The following WDR64 variants were observed in gnomAD, a reference collection of about 807,000 sequenced individuals.
WDR64 encodes the protein WD repeat domain 64.
WDR64 carries 112 observed loss-of-function variants against 139.3 expected under a neutral mutation model. The ratio of observed to expected loss-of-function variants is 0.80; its 90% CI spans 0.69 to 0.94. WDR64 has a LOEUF of 0.94. Ranked by LOEUF, WDR64 falls within the 40% of genes least tolerant of loss-of-function variation. The pLI, the probability that WDR64 is intolerant of heterozygous loss-of-function variation, is 0.00. For missense variants in WDR64, 1,206 were observed against 1,293.1 expected (o/e 0.93, Z 1.03); for synonymous variants, 444 against 437.7 (o/e 1.01, Z -0.18).
chr1:241,787,020 A>G (rs1659060045), intron 23 of WDR64, among the ~76,000 whole-genome samples: 2 of 152,102 alleles, frequency 1.3e-5, no homozygotes, highest in South Asian at 4.2e-4. Context: ...TCAAACTAAT[A>G]TTTCCCAAAA....
At chr1:241,655,330 A>T (rs1665542764) in intron 1 of WDR64, among the ~76,000 whole-genome samples, 1 of 152,164 alleles carries the variant, frequency 6.6e-6, no homozygotes, top group African/African-American at 2.4e-5. Context: ...CAGAGGTTGC[A>T]GTGAGCCAAG....
In WDR64 at chr1:241,749,638, A is replaced by C; in HGVS notation, c.1686A>C (p.Arg562=). 1 of 1,614,094 alleles carries C rather than the reference A, an allele frequency of 6.2e-7. No individual in the cohort carries two copies. Among genetic ancestry groups the C allele is most frequent in the Non-Finnish European group, 8.5e-7 (1 of 1,180,000 alleles). ...GGAAGGAGGACGAGCACTGCCTACG[A>C]CGCCTCATTTTCCTCAAAGCCCAAG... ...KDWKEDEHCL[R]RLIFLKAQEK... Residue 562 remains arginine, a synonymous_variant, in exon 14 of 28, where the codon CGA becomes CGC. Transcript: ENST00000437684.
At chr1:241,655,165 A>T (rs1179080114) in intron 1 of WDR64, among the ~76,000 whole-genome samples, 1 of 152,182 alleles carries the variant, frequency 6.6e-6, no homozygotes, top group Non-Finnish European at 1.5e-5. Flanking sequence ...TGGGCGGATC[A>T]CGAAGTCAGG....
intron 23 of WDR64, among the ~76,000 whole-genome samples, chr1:241,785,982 A>G (rs1033306999): frequency 2.0e-5 from 3 of 152,228 alleles, no homozygotes; most frequent in Admixed American, 1.3e-4. Flanking sequence ...AGGAGACTAC[A>G]GTCTCTTCAG....
chr1:241,749,904 C>G (rs1352002898), intron 14 of WDR64, among the ~76,000 whole-genome samples, 182 bp downstream of exon 14: 2 of 152,166 alleles, frequency 1.3e-5, no homozygotes, highest in Non-Finnish European at 2.9e-5. Flanking sequence ...GAGCAAAAAA[C>G]AATCGCTGCC....
intron 6 of WDR64, 36 bp downstream of exon 6, chr1:241,679,631 T>C (rs1012686516): frequency 2.0e-6 from 3 of 1,525,214 alleles, no homozygotes; most frequent in African/African-American, 1.4e-5. Context: ...AGAAATGAGA[T>C]TGTCTTTTCA....
At chr1:241,789,070 C>A (rs2148326581) in intron 24 of WDR64, among the ~76,000 whole-genome samples, 1 of 152,146 alleles carries the variant, frequency 6.6e-6, no homozygotes, top group Non-Finnish European at 1.5e-5. Context: ...TAGCTCAGTG[C>A]TCACCACACA....
At chr1:241,744,162 G>C (rs922853261) in intron 12 of WDR64, among the ~76,000 whole-genome samples, 1 of 152,212 alleles carries the variant, frequency 6.6e-6, no homozygotes, top group African/African-American at 2.4e-5. Context: ...GCCTGGAATA[G>C]AGTCCCTGCC....
intron 21 of WDR64, among the ~76,000 whole-genome samples, chr1:241,775,934 T>G (rs555972282): frequency 6.6e-6 from 1 of 152,320 alleles, no homozygotes; most frequent in Non-Finnish European, 1.5e-5. Context: ...TTGCTTGTTG[T>G]TGTTTTGCTA....
At position 241,708,692 on chromosome 1, in the gene WDR64, G is replaced by GTTTTTTTTTTT. The variant is rs766069628; in HGVS notation, c.975-3109_975-3099dup. 2.0e-4 allele frequency among the ~76,000 whole-genome samples: 12 copies of GTTTTTTTTTTT among 59,902 alleles called. 3 individuals carry two copies. The highest frequency in any genetic ancestry group is 6.5e-4 in the African/African-American group (8 of 12,358). The allele number at this position is 59,902 out of a possible 152,430, so 39.3% of individuals were successfully genotyped here. On this transcript the variant is annotated intron_variant, in intron 8 of 27. Transcript: ENST00000437684. ...TATCAAGTTAGGGCTGAGGTCCATG[G>GTTTTTTTTTTT]TTTTTTTTTTTGTTTTTTTGTTTTT...
At chr1:241,662,812 G>C (rs373089630) in intron 2 of WDR64, among the ~76,000 whole-genome samples, 2 of 152,050 alleles carry the variant, frequency 1.3e-5, no homozygotes, top group African/African-American at 4.8e-5. Context: ...TTAAAATCAA[G>C]AACGAGAAAA....
intron 8 of WDR64, among the ~76,000 whole-genome samples, chr1:241,704,250 G>A (rs1355362719): frequency 6.6e-6 from 1 of 152,124 alleles, no homozygotes; most frequent in Non-Finnish European, 1.5e-5. Context: ...GCATAGTGTG[G>A]TGGACCTGGG....
intron 4 of WDR64, among the ~76,000 whole-genome samples, chr1:241,675,247 CCTTCCTT>C (rs1666500882): frequency 8.5e-6 from 1 of 116,960 alleles, no homozygotes; most frequent in Non-Finnish European, 1.7e-5. Flanking sequence ...CTTCCTCCCT[CCTTCCTT>C]CCTCCCTCCC....
chr1:241,774,990 T>C, intron 20 of WDR64, 115 bp from the exon 21 acceptor site: 1 of 772,840 alleles, frequency 1.3e-6, no homozygotes, highest in South Asian at 1.9e-5. Flanking sequence ...CGTGGTTCAG[T>C]AGTAGAGATA....
intron 27 of WDR64, 104 bp from the exon 28 acceptor site, chr1:241,801,025 TAGG>T: frequency 1.2e-6 from 1 of 818,228 alleles, no homozygotes; most frequent in Non-Finnish European, 2.0e-6. Context: ...ATTTTTTTTC[TAGG>T]AGGATTAAAA....
chr1:241,659,357 C>G (rs943974870), intron 1 of WDR64, among the ~76,000 whole-genome samples: 13 of 152,114 alleles, frequency 8.5e-5, no homozygotes, highest in African/African-American at 2.9e-4. Flanking sequence ...GGGAACAGTG[C>G]TGCAATGAGC....
At chr1:241,684,503 C>T (rs911645486) in intron 7 of WDR64, among the ~76,000 whole-genome samples, 4 of 152,112 alleles carry the variant, frequency 2.6e-5, no homozygotes, top group South Asian at 2.1e-4. Context: ...AAATGGTCTT[C>T]CTTATTTATC....
chr1:241,658,230 AAT>A (rs972208022), intron 1 of WDR64, among the ~76,000 whole-genome samples: 8 of 152,040 alleles, frequency 5.3e-5, no homozygotes, highest in African/African-American at 1.9e-4. Flanking sequence ...CCTTAGATTC[AAT>A]AGTCTTACCC....
chr1:241,685,132 A>C (rs1233014919), intron 7 of WDR64, among the ~76,000 whole-genome samples: 1 of 151,078 alleles, frequency 6.6e-6, no homozygotes, highest in Non-Finnish European at 1.5e-5. Context: ...TTAATCATTT[A>C]CATAAATAAT....
Sources: allele counts gnomAD v4.1 joint callset (sites outside exome capture counted in the v4.1 genomes callset), GRCh38; gene constraint gnomAD v4.1.1; transcripts MANE v1.5; gene names NCBI Gene and HGNC (gene_info 2026-07-23, HGNC 2026-07-21).